COL22A1: variants seen among roughly 807,000 people sequenced by gnomAD.
COL22A1 encodes collagen type XXII alpha 1 chain.
A neutral mutation model predicts 248.9 loss-of-function variants in COL22A1; 221 were observed. The observed-to-expected ratio is 0.89, with a 90% CI of 0.80 to 0.99. COL22A1 has a LOEUF of 0.99. Ranked by LOEUF, COL22A1 falls within the 50% of genes least tolerant of loss-of-function variation. COL22A1 has a pLI of 0.00. For synonymous variants in COL22A1, 891 were observed against 793.4 expected, an observed-to-expected ratio of 1.12 and a Z score of -2.07; for missense variants, 2,240 against 2,179.0, an observed-to-expected ratio of 1.03 and a Z score of -0.56.
intron 41 of COL22A1, among the ~76,000 whole-genome samples, chr8:138,667,813 C>T (rs916097925): frequency 3.3e-5 from 5 of 152,092 alleles, no homozygotes; most frequent in Admixed American, 2.6e-4. Flanking sequence ...CACAAAGAGG[C>T]TCCACCAGAC....
intron 4 of COL22A1, among the ~76,000 whole-genome samples, chr8:138,840,552 C>CAG (rs1405268461): frequency 2.0e-5 from 3 of 151,100 alleles, no homozygotes; most frequent in African/African-American, 7.4e-5. Flanking sequence ...CACACACACA[C>CAG]ACACACGCGC....
chr8:138,877,946 G>C lies in COL22A1; in HGVS notation c.462C>G (p.Ser154Arg). The C allele has an allele frequency of 1.9e-6, 3 of 1,599,900 alleles. No individual in the cohort carries two copies. The highest frequency in any genetic ancestry group is 2.6e-6 in the Non-Finnish European group (3 of 1,173,000). ...QVAILLTDGR[S>R]QDLVLDAAAA... ...CCGCGGCGTCCAGCACCAGGTCCTG[G>C]CTGCGGCCGTCGGTGAGCAGGATGG... Residue 154 changes from serine to arginine, a missense_variant, in exon 3 of 65, where the codon AGC becomes AGG. Physicochemically the swap from Ser to Arg is moderately radical, Grantham distance 110 (BLOSUM62 -1). Coordinates refer to ENST00000303045, the MANE Select transcript of COL22A1 (RefSeq NM_152888.3).
At chr8:138,727,069 C>A (rs79219845) in intron 23 of COL22A1, among the ~76,000 whole-genome samples, 1 of 152,056 alleles carries the variant, frequency 6.6e-6, no homozygotes, top group African/African-American at 2.4e-5. Context: ...ATAGTCCTCA[C>A]GCAGGGACCC....
chr8:138,835,858 G>A (rs1248714545), intron 4 of COL22A1, among the ~76,000 whole-genome samples: 4 of 152,134 alleles, frequency 2.6e-5, no homozygotes, highest in Admixed American at 6.5e-5. Context: ...ACAAGTAAGG[G>A]CTATGATAAC....
intron 41 of COL22A1, among the ~76,000 whole-genome samples, chr8:138,667,451 T>C (rs1824608043): frequency 6.6e-6 from 1 of 152,126 alleles, no homozygotes; most frequent in South Asian, 2.1e-4. Flanking sequence ...AAAATGAGCA[T>C]AAAAAGGAAG....
rs1039452758 is a variant in COL22A1, at chr8:138,667,376, G to A, written c.3151-3636C>T. Among the ~76,000 whole-genome samples the A allele has an allele frequency of 3.9e-5, 6 of 152,262 alleles. No homozygotes were observed. The South Asian group carries it at 1.2e-3, about 32-fold the overall frequency. On this transcript the variant is annotated intron_variant, in intron 41 of 64. Transcript: ENST00000303045. ...GAGAGCAAGGAGACCATCAAAGATT[G>A]CTAGGTTTGTGTCAAAGGTAATCAG...
chr8:138,660,342 G>C, intron 44 of COL22A1, 94 bp downstream of exon 44: 1 of 1,104,324 alleles, frequency 9.1e-7, no homozygotes, highest in Non-Finnish European at 1.4e-6. Flanking sequence ...ATGTTCCTTT[G>C]TTAAAACCTC....
chr8:138,898,669 C>T (rs1024813825), intron 1 of COL22A1, among the ~76,000 whole-genome samples: 2 of 152,104 alleles, frequency 1.3e-5, no homozygotes, highest in African/African-American at 4.8e-5. Flanking sequence ...CCCTGAGGCC[C>T]CTGAAGACAA....
chr8:138,853,759 A>T (rs759837285), intron 3 of COL22A1, among the ~76,000 whole-genome samples: 3 of 152,230 alleles, frequency 2.0e-5, no homozygotes, highest in Non-Finnish European at 2.9e-5. Flanking sequence ...TGGCAAGCAC[A>T]TTCACACACC....
chr8:138,782,268 G>A (rs1314424061), intron 12 of COL22A1, among the ~76,000 whole-genome samples: 1 of 152,016 alleles, frequency 6.6e-6, no homozygotes, highest in East Asian at 2.0e-4. Flanking sequence ...ACTCGAACTG[G>A]AGTACAGTGA....
At chr8:138,748,700 C>T (rs1462454487) in intron 22 of COL22A1, among the ~76,000 whole-genome samples, 1 of 152,170 alleles carries the variant, frequency 6.6e-6, no homozygotes, top group Non-Finnish European at 1.5e-5. Context: ...CAGTGAATTG[C>T]CCAATTTCCA....
intron 18 of COL22A1, among the ~76,000 whole-genome samples, chr8:138,758,322 T>C (rs572983678): frequency 3.2e-4 from 49 of 152,318 alleles, no homozygotes; most frequent in Admixed American, 1.2e-3. Context: ...AGCCATGCCA[T>C]TCCCAGATTC....
intron 6 of COL22A1, among the ~76,000 whole-genome samples, chr8:138,822,087 C>T (rs1167977753): frequency 6.6e-6 from 1 of 152,034 alleles, no homozygotes; most frequent in Non-Finnish European, 1.5e-5. Context: ...CTCTGTTGCC[C>T]AGGCTGGAGT....
At chr8:138,865,818 C>A (rs1406655267) in intron 3 of COL22A1, among the ~76,000 whole-genome samples, 1 of 99,548 alleles carries the variant, frequency 1.0e-5, no homozygotes, top group Non-Finnish European at 2.1e-5. Context: ...TGTTTGTATG[C>A]CTGTGTGTGT....
At chr8:138,683,490 C>T (rs773570887) in intron 39 of COL22A1, among the ~76,000 whole-genome samples, 4 of 152,134 alleles carry the variant, frequency 2.6e-5, no homozygotes, top group Non-Finnish European at 4.4e-5. Flanking sequence ...TCTTTTCCTC[C>T]TGTGTGCCTC....
chr8:138,801,065 G>A (rs1816958912), intron 11 of COL22A1, among the ~76,000 whole-genome samples: 1 of 152,224 alleles, frequency 6.6e-6, no homozygotes, highest in Non-Finnish European at 1.5e-5. Flanking sequence ...AGTGCAGTGA[G>A]TGCTGGTAAA....
chr8:138,815,562 GCCCT>G (rs1818611551), intron 7 of COL22A1, among the ~76,000 whole-genome samples: 1 of 152,092 alleles, frequency 6.6e-6, no homozygotes, highest in Non-Finnish European at 1.5e-5. Flanking sequence ...CCACACACAG[GCCCT>G]CCCTGTCACT....
Position 138,877,982 on chromosome 8 carries a change from G to C in COL22A1, c.426C>G (p.Tyr142Ter), listed in dbSNP as rs1259638473. 1 of 1,588,454 alleles carries C rather than the reference G, an allele frequency of 6.3e-7. No homozygotes were observed. Among genetic ancestry groups the C allele is most frequent in the Non-Finnish European group, 8.6e-7 (1 of 1,167,552 alleles). Residue 142 changes from tyrosine to a stop codon, truncating the protein, a stop_gained, in exon 3 of 65, where the codon TAC (tyrosine) becomes TAG (stop). Coordinates refer to ENST00000303045, the MANE Select transcript of COL22A1 (RefSeq NM_152888.3). LOFTEE classifies it high-confidence loss of function. ...HAGGRPRDRAYKQVAILLTDG... is the reference protein window; with the variant it reads ...HAGGRPRDRA ...CGGTGAGCAGGATGGCCACCTGCTT[G>C]TAGGCGCGGTCCCTGGGGCGGCCGC...
rs1222059899 is a variant in COL22A1, at chr8:138,856,672, G to A, written c.659-12514C>T. On this transcript the variant is annotated intron_variant, in intron 3 of 64. Coordinates refer to ENST00000303045, the MANE Select transcript of COL22A1 (RefSeq NM_152888.3). Reference sequence around the variant, plus strand: ...AGACAGAGACACAGCAAGAGAGAGAGACAGGAGAGACAGCAAGAGAGAGGG... The same window carrying A: ...AGACAGAGACACAGCAAGAGAGAGAAACAGGAGAGACAGCAAGAGAGAGGG... Among the ~76,000 whole-genome samples the A allele has an allele frequency of 2.6e-5, 4 of 151,266 alleles. No homozygotes were observed. In the East Asian group the frequency reaches 7.8e-4, roughly 30 times the overall value.
Sources: allele counts gnomAD v4.1 joint callset (sites outside exome capture counted in the v4.1 genomes callset), GRCh38; gene constraint gnomAD v4.1.1; transcripts MANE v1.5; gene names NCBI Gene and HGNC (gene_info 2026-07-23, HGNC 2026-07-21).